Variants in TBX4 observed in about 807,000 individuals in gnomAD.
TBX4 encodes the protein T-box transcription factor TBX4.
Under a neutral mutation model 54.6 loss-of-function variants are expected in TBX4, and 13 were observed. That is an observed-to-expected ratio of 0.24 (90% CI 0.15 to 0.38). The LOEUF (loss-of-function observed/expected upper bound fraction) is 0.38, where lower values mean the gene tolerates loss of function less well. Among genes scored for constraint, TBX4 ranks in the 10% least tolerant of loss-of-function variants. TBX4 has a pLI of 1.00. For missense variants in TBX4, 631 were observed against 728.5 expected (o/e 0.87, Z 1.54); for synonymous variants, 314 against 306.7 (o/e 1.02, Z -0.25).
Position 61,483,111 on chromosome 17 carries a change from C to G in TBX4, c.1236C>G (p.Pro412=). The G allele has an allele frequency of 6.2e-7, 1 of 1,614,088 alleles. No homozygotes were observed. The highest frequency in any genetic ancestry group is 2.2e-5 in the East Asian group (1 of 44,848). The change falls in exon 9 of 9, where the codon CCC becomes CCG. Residue 412 remains proline, a synonymous_variant. Coordinates refer to ENST00000644296, the MANE Select transcript of TBX4 (RefSeq NM_001321120.2). The surrounding 1 kb of genome is among the most constrained non-coding windows in gnomAD (Gnocchi z 6.6). ...IAGVSGVDDL[P]PPPLSCNMWT... is the part of the protein sequence containing the mutation. ...GGGTGTCTGGGGTGGACGACCTGCC[C>G]CCACCTCCGCTGAGCTGTAACATGT...
At chr17:61,453,441 TA>T (rs2060427296) in intron 1 of TBX4, among the ~76,000 whole-genome samples, 1 of 152,166 alleles carries the variant, frequency 6.6e-6, no homozygotes, top group African/African-American at 2.4e-5. Context: ...TACAGTGAAC[TA>T]TTAAAAGAAA....
chr17:61,482,933 G>C lies in TBX4; in HGVS notation c.1058G>C (p.Arg353Pro), dbSNP rs61739275. 5 of 1,613,710 alleles carry C rather than the reference G, an allele frequency of 3.1e-6. No individual in the cohort carries two copies. The African/African-American group carries it at 6.7e-5, about 22-fold the overall frequency. ...CGCCACCTGGACTTACCTTGCAAGCGATCCTATCTGGAAGCCCCCTCTTCG... is the reference window on the plus strand; with the variant it reads ...CGCCACCTGGACTTACCTTGCAAGCCATCCTATCTGGAAGCCCCCTCTTCG... ...GTRHLDLPCKRSYLEAPSSVG... is the reference protein window; with the variant it reads ...GTRHLDLPCKPSYLEAPSSVG... Residue 353 changes from arginine (R) to proline (P), a missense_variant, in exon 9 of 9, where the codon CGA becomes CCA. Around this residue, in one of 3 missense-constraint regions of TBX4, gnomAD observed 354 missense variants for 368.9 expected, o/e 0.96. Coordinates refer to ENST00000644296, the MANE Select transcript of TBX4 (RefSeq NM_001321120.2).
At position 61,459,630 on chromosome 17, in the gene TBX4, A is replaced by G. The variant is rs1254926286; in HGVS notation, c.281+1999A>G. Among the ~76,000 whole-genome samples the G allele has an allele frequency of 6.6e-6, 1 of 152,208 alleles. No individual in the cohort carries two copies. Among genetic ancestry groups the G allele is most frequent in the African/African-American group, 2.4e-5 (1 of 41,452 alleles). On this transcript the variant is annotated intron_variant, in intron 3 of 8. Coordinates refer to ENST00000644296, the MANE Select transcript of TBX4 (RefSeq NM_001321120.2). The surrounding 1 kb of genome is among the most constrained non-coding windows in gnomAD (Gnocchi z 4.8). ...TCCCTCTCCCAACACATACACTTATACACATACTTCCATAGGTGGCCAGCT... is the reference window on the plus strand; with the variant it reads ...TCCCTCTCCCAACACATACACTTATGCACATACTTCCATAGGTGGCCAGCT...
Position 61,478,914 on chromosome 17 carries a change from C to A in TBX4, c.702+135C>A. 1 of 1,375,770 alleles carries A rather than the reference C, an allele frequency of 7.3e-7. No homozygotes were observed. Among genetic ancestry groups the A allele is most frequent in the Admixed American group, 1.8e-5 (1 of 55,942 alleles). The allele number at this position is 1,375,770 out of a possible 1,614,324, so 85.2% of individuals were successfully genotyped here. Reference sequence around the variant, plus strand: ...AGGCCCAGTGCAGGGACCTCAGAAGCCTAGAGTCCCTCGGAGCCGCGAGCA... The same window carrying A: ...AGGCCCAGTGCAGGGACCTCAGAAGACTAGAGTCCCTCGGAGCCGCGAGCA... On this transcript the variant is annotated intron_variant, in intron 6 of 8. Transcript: ENST00000644296. The surrounding 1 kb of genome is among the most constrained non-coding windows in gnomAD (Gnocchi z 7.4).
At chr17:61,463,670 G>T (rs2060514431) in intron 3 of TBX4, among the ~76,000 whole-genome samples, 1 of 152,248 alleles carries the variant, frequency 6.6e-6, no homozygotes, top group Non-Finnish European at 1.5e-5. Context: ...CCCCTATGTG[G>T]ACACTGGCCC....
chr17:61,466,059 G>A, intron 4 of TBX4, 121 bp downstream of exon 4: 1 of 1,496,234 alleles, frequency 6.7e-7, no homozygotes, highest in Admixed American at 1.7e-5. Context: ...TCTGCAGGCT[G>A]GAGTCCACTG....
chr17:61,455,582 C>T (rs2060441756), intron 1 of TBX4, among the ~76,000 whole-genome samples: 1 of 152,260 alleles, frequency 6.6e-6, no homozygotes, highest in Non-Finnish European at 1.5e-5. Context: ...AGAAATGTAG[C>T]TGTGCCAGGC....
rs950653787 is a variant in TBX4, at chr17:61,475,204, T to G, written c.550-3423T>G. 2.0e-5 allele frequency among the ~76,000 whole-genome samples: 3 copies of G among 152,230 alleles called. No individual in the cohort carries two copies. The highest frequency in any genetic ancestry group is 7.2e-5 in the African/African-American group (3 of 41,454). Reference sequence around the variant, plus strand: ...CTCGGAAGATGTGTTGGGCACTCTCTCCACCCTAGTCATCAGGGACTTTGT... The same window carrying G: ...CTCGGAAGATGTGTTGGGCACTCTCGCCACCCTAGTCATCAGGGACTTTGT... On this transcript the variant is annotated intron_variant, in intron 5 of 8. Coordinates refer to ENST00000644296, the MANE Select transcript of TBX4 (RefSeq NM_001321120.2). The surrounding 1 kb of genome is among the most constrained non-coding windows in gnomAD (Gnocchi z 5.0).
Position 61,478,547 on chromosome 17 carries a change from C to A in TBX4, c.550-80C>A. On this transcript the variant is annotated intron_variant, in intron 5 of 8. Coordinates refer to ENST00000644296, the MANE Select transcript of TBX4 (RefSeq NM_001321120.2). The surrounding 1 kb of genome is among the most constrained non-coding windows in gnomAD (Gnocchi z 7.4). The stretch of plus-strand genomic sequence containing the variant: ...TTGAGGAGAATGAGAAAAACCAGGC[C>A]AGGGCCAGAAGAATGAGGTCAAGGG... The A allele has an allele frequency of 1.9e-6, 3 of 1,595,258 alleles. No homozygotes were observed. Among genetic ancestry groups the A allele is most frequent in the Non-Finnish European group, 1.7e-6 (2 of 1,163,360 alleles).
chr17:61,456,718 C>A, intron 2 of TBX4, 42 bp downstream of exon 2: 2 of 1,340,694 alleles, frequency 1.5e-6, no homozygotes, highest in South Asian at 3.5e-5. Context: ...GGGCGTCGGT[C>A]TGTCTGCGGG....
chr17:61,459,499 A>G lies in TBX4; in HGVS notation c.281+1868A>G, dbSNP rs531555796. ...CCTTGTCTCTTGAAAATAACTGGCC[A>G]GCATGTTCTCTGGGCATGTCTGGCC... On this transcript the variant is annotated intron_variant, in intron 3 of 8. Transcript: ENST00000644296. The surrounding 1 kb of genome is among the most constrained non-coding windows in gnomAD (Gnocchi z 4.8). 6.6e-6 allele frequency among the ~76,000 whole-genome samples: 1 copy of G among 152,360 alleles called. No individual in the cohort carries two copies. The highest frequency in any genetic ancestry group is 1.9e-4 in the East Asian group (1 of 5,184).
rs1002692312 is a variant in TBX4 at position 61,483,491 on chromosome 17, C to T, written c.1616C>T (p.Thr539Ile). 7.4e-6 allele frequency: 12 copies of T among 1,614,034 alleles called. No individual in the cohort carries two copies. Among genetic ancestry groups the T allele is most frequent in the Non-Finnish European group, 5.1e-6 (6 of 1,180,046 alleles). Residue 539 changes from threonine (T) to isoleucine (I), a missense_variant, in exon 9 of 9, where the codon ACT becomes ATT. Thr to Ile is a moderately conservative substitution (Grantham distance 89). Transcript: ENST00000644296. The surrounding 1 kb of genome is among the most constrained non-coding windows in gnomAD (Gnocchi z 6.6). ...TTACAGTACCATTCAGGAATGGGGA[C>T]TGTGGAGAACTGGACTGACGGATGA... is the stretch of plus-strand genomic sequence containing the variant. The part of the protein sequence containing the change: ...SSLQYHSGMG[T>I]VENWTDG
intron 5 of TBX4, among the ~76,000 whole-genome samples, chr17:61,477,990 A>G (rs1425776505): frequency 6.6e-6 from 1 of 152,064 alleles, no homozygotes; most frequent in African/African-American, 2.4e-5. Flanking sequence ...GAAAGGAAAG[A>G]AAAGAAATGC....
chr17:61,466,365 C>T (rs2060537721), intron 4 of TBX4, among the ~76,000 whole-genome samples: 1 of 152,148 alleles, frequency 6.6e-6, no homozygotes, highest in Non-Finnish European at 1.5e-5. Context: ...TGGGGGCACT[C>T]GCCTGTTTCT....
chr17:61,465,426 G>A lies in TBX4; in HGVS notation c.282-393G>A, dbSNP rs2060528274. On this transcript the variant is annotated intron_variant, in intron 3 of 8. Coordinates refer to ENST00000644296, the MANE Select transcript of TBX4 (RefSeq NM_001321120.2). This position sits in a 1 kb window ranked among gnomAD's most constrained non-coding sequence, Gnocchi z 4.9. ...CTTGTGTGTGGGCTGGCAAAGGACA[G>A]GAGGGAAATTAAGGCAGCAAGGTTG... Among the ~76,000 whole-genome samples the A allele has an allele frequency of 6.6e-6, 1 of 152,226 alleles. No homozygotes were observed.
chr17:61,483,775 T>A lies in TBX4; in HGVS notation c.*259T>A. ...ATTTTGGCTGCAGGACCTGGGTCTA[T>A]TGTTATCTGACATCTCTTGACATGC... On this transcript the variant is annotated 3_prime_UTR_variant, in exon 9 of 9. Transcript: ENST00000644296. This position sits in a 1 kb window ranked among gnomAD's most constrained non-coding sequence, Gnocchi z 6.6. 1 of 499,144 alleles carries A rather than the reference T, an allele frequency of 2.0e-6. No homozygotes were observed. The highest frequency in any genetic ancestry group is 3.7e-6 in the Non-Finnish European group (1 of 272,030). 30.9% of individuals were successfully genotyped at this position (499,144 alleles called of 1,614,324 possible).
Position 61,462,345 on chromosome 17 carries a change from T to C in TBX4, c.282-3474T>C, listed in dbSNP as rs1022375584. 7.0e-6 allele frequency among the ~76,000 whole-genome samples: 1 copy of C among 143,712 alleles called. No individual in the cohort carries two copies. The highest frequency in any genetic ancestry group is 1.5e-5 in the Non-Finnish European group (1 of 65,336). 94.3% of individuals were successfully genotyped at this position (143,712 alleles called of 152,430 possible). A position where few individuals can be genotyped will look rare whatever the true frequency, so the allele number is the denominator to read the frequency against. On this transcript the variant is annotated intron_variant, in intron 3 of 8. Transcript: ENST00000644296. This position sits in a 1 kb window ranked among gnomAD's most constrained non-coding sequence, Gnocchi z 4.5. Reference sequence around the variant, plus strand: ...GGCGGAGCCGTTTCCGCGTGTGCCGTGGGGAGGGCGGGGGAGCCCCCATCT... The same window carrying C: ...GGCGGAGCCGTTTCCGCGTGTGCCGCGGGGAGGGCGGGGGAGCCCCCATCT...
intron 1 of TBX4, among the ~76,000 whole-genome samples, chr17:61,454,263 G>A (rs1263609452): frequency 6.6e-6 from 1 of 152,276 alleles, no homozygotes; most frequent in Non-Finnish European, 1.5e-5. Context: ...AATAGTAACA[G>A]TTCCCCTAGT....
At position 61,478,347 on chromosome 17, in the gene TBX4, A is replaced by C. The variant is rs1367598539; in HGVS notation, c.550-280A>C. 4.0e-6 allele frequency: 2 copies of C among 502,908 alleles called. No homozygotes were observed. 31.2% of individuals were successfully genotyped at this position (502,908 alleles called of 1,614,324 possible). On this transcript the variant is annotated intron_variant, in intron 5 of 8. Coordinates refer to ENST00000644296, the MANE Select transcript of TBX4 (RefSeq NM_001321120.2). The surrounding 1 kb of genome is among the most constrained non-coding windows in gnomAD (Gnocchi z 7.4). ...TTTGACAGTGTTAAGGGCTGACTCAAGTTCTCCATTACCACAGTGAATCAA... is the reference window on the plus strand; with the variant it reads ...TTTGACAGTGTTAAGGGCTGACTCACGTTCTCCATTACCACAGTGAATCAA...
Sources: gnomAD v4.1 joint callset for allele counts (sites outside exome capture counted in the v4.1 genomes callset) on GRCh38, gnomAD v4.1.1 for gene constraint, gnomAD v4.1.1 regional missense constraint, Gnocchi (gnomAD v3.1) non-coding constraint, MANE v1.5 for transcripts, NCBI Gene and HGNC (gene_info 2026-07-23, HGNC 2026-07-21) for gene names.